Variants in VPS45 observed in about 807,000 individuals in gnomAD.
VPS45 encodes the protein vacuolar protein sorting-associated protein 45.
In VPS45, 35 loss-of-function variants were observed where a neutral mutation model predicts 75.9. That is an observed-to-expected ratio of 0.46 (90% CI 0.35 to 0.61). The LOEUF (loss-of-function observed/expected upper bound fraction) is 0.61. VPS45 is among the 20% of genes least tolerant of loss of function. VPS45 has a pLI of 0.00. For missense variants in VPS45, 559 were observed against 685.9 expected, an observed-to-expected ratio of 0.81 and a Z score of 2.07; for synonymous variants, 220 against 238.2, an observed-to-expected ratio of 0.92 and a Z score of 0.70.
intron 9 of VPS45, 73 bp from the exon 10 acceptor site, chr1:150,082,643 A>T: frequency 6.6e-7 from 1 of 1,524,034 alleles, no homozygotes; most frequent in South Asian, 1.3e-5. Flanking sequence ...GCTTTCCCCA[A>T]CCCCCATTCA....
intron 11 of VPS45, 61 bp from the exon 12 acceptor site, chr1:150,092,241 T>G: frequency 6.4e-7 from 1 of 1,552,292 alleles, no homozygotes; most frequent in East Asian, 2.3e-5. Flanking sequence ...TAAAATTATT[T>G]TCTTATGAAA....
chr1:150,080,301 T>C (rs1316562104), intron 7 of VPS45, among the ~76,000 whole-genome samples: 1 of 152,116 alleles, frequency 6.6e-6, no homozygotes. Context: ...TGTGCCACCA[T>C]GCTCGGCTAG....
intron 14 of VPS45, chr1:150,142,835 T>C (rs1571928238): frequency 2.2e-6 from 1 of 450,346 alleles, no homozygotes; most frequent in Admixed American, 2.4e-5. Flanking sequence ...GTATTTTTTA[T>C]AGAGATGGGG....
At chr1:150,127,724 G>A (rs1205838403) in intron 14 of VPS45, among the ~76,000 whole-genome samples, 2 of 152,216 alleles carry the variant, frequency 1.3e-5, no homozygotes, top group South Asian at 2.1e-4. Context: ...TCTGTTTCCA[G>A]TATGAGTACC....
intron 8 of VPS45, 47 bp from the exon 9 acceptor site, chr1:150,081,837 A>G: frequency 8.5e-7 from 1 of 1,177,640 alleles, no homozygotes; most frequent in Non-Finnish European, 1.2e-6. Context: ...AGTTGTCTGA[A>G]AGTCAGACTA....
At chr1:150,141,532 A>C (rs1248116189) in intron 14 of VPS45, among the ~76,000 whole-genome samples, 2 of 152,214 alleles carry the variant, frequency 1.3e-5, no homozygotes, top group African/African-American at 4.8e-5. Context: ...CCAGTGATGT[A>C]AGTGGAGAAG....
chr1:150,108,376 A>G (rs1036744466), intron 13 of VPS45, among the ~76,000 whole-genome samples: 1 of 152,194 alleles, frequency 6.6e-6, no homozygotes, highest in Non-Finnish European at 1.5e-5. Flanking sequence ...TGAGCACTTG[A>G]AATGTGGCTA....
At chr1:150,124,320 G>A (rs1488821955) in intron 14 of VPS45, among the ~76,000 whole-genome samples, 3 of 151,880 alleles carry the variant, frequency 2.0e-5, no homozygotes, top group African/African-American at 4.8e-5. Flanking sequence ...TCAGTCAGAC[G>A]TGGTGGCGTG....
At chr1:150,069,122 C>G (rs587769353) in intron 2 of VPS45, among the ~76,000 whole-genome samples, 34 of 152,248 alleles carry the variant, frequency 2.2e-4, no homozygotes, top group African/African-American at 7.9e-4. Flanking sequence ...GAATCTTTGC[C>G]ACTTTATTCA....
intron 1 of VPS45, chr1:150,068,158 G>A (rs1571803904): frequency 1.9e-6 from 1 of 525,034 alleles, no homozygotes; most frequent in East Asian, 3.2e-5. Context: ...ACTTCTACCC[G>A]GAACAATTTA....
chr1:150,109,611 T>C (rs782717900), intron 13 of VPS45: 5 of 152,206 alleles, frequency 3.3e-5, no homozygotes, highest in Non-Finnish European at 5.9e-5. Flanking sequence ...CTGATTGATG[T>C]AGTTTTAGTG....
chr1:150,121,320 CAG>C (rs1658219901), intron 14 of VPS45, among the ~76,000 whole-genome samples: 1 of 152,108 alleles, frequency 6.6e-6, no homozygotes, highest in Non-Finnish European at 1.5e-5. Context: ...TAACCAATTA[CAG>C]AGACTTCTTT....
chr1:150,101,450 A>C (rs991627747), intron 13 of VPS45, among the ~76,000 whole-genome samples: 1 of 152,052 alleles, frequency 6.6e-6, no homozygotes. Context: ...AAAGTCAAAA[A>C]ATAGGCTGGG....
chr1:150,092,481 T>C (rs1656387255), intron 12 of VPS45, 72 bp downstream of exon 12: 2 of 1,261,872 alleles, frequency 1.6e-6, no homozygotes, highest in Non-Finnish European at 2.2e-6. Flanking sequence ...TGAATGAATA[T>C]GATCTTCAAA....
chr1:150,097,407 A>G (rs948492856), intron 13 of VPS45, among the ~76,000 whole-genome samples: 6 of 151,536 alleles, frequency 4.0e-5, no homozygotes, highest in African/African-American at 9.7e-5. Flanking sequence ...GCCCAGCCAT[A>G]ACATTTCTTT....
intron 14 of VPS45, among the ~76,000 whole-genome samples, chr1:150,113,501 C>T (rs1165461142): frequency 6.6e-6 from 1 of 152,208 alleles, no homozygotes; most frequent in Non-Finnish European, 1.5e-5. Flanking sequence ...TCTTATTCCT[C>T]ATGCTCCCTC....
At chr1:150,105,579 G>A (rs1044126383) in intron 13 of VPS45, among the ~76,000 whole-genome samples, 15 of 152,136 alleles carry the variant, frequency 9.9e-5, no homozygotes, top group Admixed American at 3.9e-4. Flanking sequence ...TCTCTACAAG[G>A]AGAACTACTT....
intron 14 of VPS45, among the ~76,000 whole-genome samples, chr1:150,115,543 A>G (rs1317530482): frequency 1.3e-5 from 2 of 152,096 alleles, no homozygotes; most frequent in African/African-American, 4.8e-5. Flanking sequence ...GCATTTCTGC[A>G]TGTGTTCTGT....
At chr1:150,124,829 G>C (rs1658423221) in intron 14 of VPS45, among the ~76,000 whole-genome samples, 1 of 151,620 alleles carries the variant, frequency 6.6e-6, no homozygotes, top group Non-Finnish European at 1.5e-5. Context: ...AAAGTGCTGG[G>C]ATTATAGGCA....
Sources: allele counts gnomAD v4.1 joint callset (sites outside exome capture counted in the v4.1 genomes callset), GRCh38; gene constraint gnomAD v4.1.1; transcripts MANE v1.5; gene names NCBI Gene and HGNC (gene_info 2026-07-23, HGNC 2026-07-21).